Variants in KLRG1 observed in about 807,000 individuals in gnomAD.
KLRG1 encodes killer cell lectin like receptor G1.
Under a neutral mutation model 21.8 loss-of-function variants are expected in KLRG1, and 16 were observed. That is an observed-to-expected ratio of 0.73 (90% confidence interval 0.50 to 1.11). The LOEUF (loss-of-function observed/expected upper bound fraction) is 1.11, where lower values mean the gene tolerates loss of function less well. Among genes scored for constraint, KLRG1 ranks in the 50% most tolerant of loss-of-function variants. The pLI is 0.00. For synonymous variants in KLRG1, 69 were observed against 75.9 expected, an observed-to-expected ratio of 0.91 and a Z score of 0.47; for missense variants, 173 against 218.3, an observed-to-expected ratio of 0.79 and a Z score of 1.31.
At chr12:9,073,177 G>T in the KLRG1 span, among the ~76,000 whole-genome samples, 1 of 152,110 alleles carries the variant, frequency 6.6e-6, no homozygotes, top group Non-Finnish European at 1.5e-5. Context: ...TCAGTTATTG[G>T]CATCAGCTAT....
the KLRG1 span, among the ~76,000 whole-genome samples, chr12:9,147,405 T>C: frequency 0.032 from 4,843 of 152,304 alleles, 106 homozygotes; most frequent in South Asian, 0.08. Context: ...GGGGCCTCTT[T>C]CTAATTGTAT....
At chr12:9,200,362 A>C in the KLRG1 span, 3 of 1,585,176 alleles carry the variant, frequency 1.9e-6, no homozygotes, top group African/African-American at 4.1e-5. Flanking sequence ...AATGTAACTC[A>C]CTCTCCACAG....
chr12:9,107,892 C>A, the KLRG1 span, among the ~76,000 whole-genome samples: 1 of 150,002 alleles, frequency 6.7e-6, no homozygotes, highest in African/African-American at 2.5e-5. Context: ...TTAGTTTTAT[C>A]TTAAAAAAGT....
chr12:9,192,743 A>C, the KLRG1 span: 1 of 1,579,126 alleles, frequency 6.3e-7, no homozygotes, highest in Non-Finnish European at 8.7e-7. Context: ...TGAAAACCTG[A>C]GTAAACAGAA....
intron 1 of KLRG1, among the ~76,000 whole-genome samples, chr12:8,984,080 G>C (rs1592256952): frequency 6.6e-6 from 1 of 151,990 alleles, no homozygotes; most frequent in Non-Finnish European, 1.5e-5. Context: ...CTGAGGTTCT[G>C]TTCATTTTTT....
intron 1 of KLRG1, among the ~76,000 whole-genome samples, chr12:8,977,500 C>T (rs1946678210): frequency 6.6e-6 from 1 of 152,012 alleles, no homozygotes; most frequent in African/African-American, 2.4e-5. Context: ...AGGCATGAGC[C>T]ACCACACCTG....
At chr12:9,024,886 T>C in the KLRG1 span, among the ~76,000 whole-genome samples, 583 of 152,324 alleles carry the variant, frequency 3.8e-3, 9 homozygotes, top group South Asian at 0.019. Flanking sequence ...GTAAAGTCTT[T>C]ATTTCTATAT....
the KLRG1 span, among the ~76,000 whole-genome samples, chr12:9,016,310 TA>T: frequency 3.3e-5 from 5 of 151,406 alleles, no homozygotes; most frequent in Non-Finnish European, 7.4e-5. Context: ...AAATCAGAGA[TA>T]AAAAAAGGAG....
the KLRG1 span, chr12:9,197,228 T>C: frequency 1.4e-6 from 1 of 727,870 alleles, no homozygotes. Flanking sequence ...CACATCTTTA[T>C]CATCTGGGTG....
chr12:9,186,429 T>C, the KLRG1 span, among the ~76,000 whole-genome samples: 192 of 152,160 alleles, frequency 1.3e-3, 1 homozygote, highest in East Asian at 0.035. Flanking sequence ...GTAAACAGAC[T>C]AAATGCCCCA....
chr12:8,971,061 T>C (rs779443841), intron 1 of KLRG1: 1 of 152,314 alleles, frequency 6.6e-6, no homozygotes, highest in African/African-American at 2.4e-5. Flanking sequence ...TTTTCTTTTC[T>C]TGCAATTTTT....
intron 3 of KLRG1, among the ~76,000 whole-genome samples, chr12:8,997,937 C>T (rs1947184589): frequency 6.6e-6 from 1 of 152,132 alleles, no homozygotes; most frequent in Non-Finnish European, 1.5e-5. Flanking sequence ...CAGGCGCCTG[C>T]CTCCACGCCC....
At chr12:9,044,413 C>T in the KLRG1 span, among the ~76,000 whole-genome samples, 1 of 152,070 alleles carries the variant, frequency 6.6e-6, no homozygotes, top group Non-Finnish European at 1.5e-5. Flanking sequence ...ACCTGTAATT[C>T]CAACACTTTG....
chr12:9,152,690 C>T, the KLRG1 span: 2 of 922,740 alleles, frequency 2.2e-6, no homozygotes, highest in Non-Finnish European at 1.6e-6. Context: ...TGATAAAAGC[C>T]TAAATTCATT....
chr12:9,055,886 C>T, the KLRG1 span: 1 of 152,562 alleles, frequency 6.6e-6, no homozygotes, highest in Admixed American at 6.5e-5. Flanking sequence ...GATATCTACC[C>T]TAATCACAGG....
the KLRG1 span, among the ~76,000 whole-genome samples, chr12:9,155,296 C>CT: frequency 5.9e-5 from 9 of 151,686 alleles, no homozygotes; most frequent in Middle Eastern, 3.4e-3. Flanking sequence ...TCTTTTCTTT[C>CT]TTTTTTTTTC....
At chr12:9,019,084 C>A in the KLRG1 span, among the ~76,000 whole-genome samples, 1 of 151,842 alleles carries the variant, frequency 6.6e-6, no homozygotes, top group Non-Finnish European at 1.5e-5. Flanking sequence ...GGAAAAAAAT[C>A]TAATAATACA....
the KLRG1 span, among the ~76,000 whole-genome samples, chr12:9,074,187 G>C: frequency 6.6e-6 from 1 of 152,230 alleles, no homozygotes; most frequent in East Asian, 1.9e-4. Flanking sequence ...GATTTGCGAG[G>C]AGAGGTTGTT....
the KLRG1 span, chr12:9,149,467 T>A: frequency 7.9e-7 from 1 of 1,267,794 alleles, no homozygotes. Context: ...TTGTCTCAGA[T>A]GTAGGAAAAG....
Sources: allele counts gnomAD v4.1 joint callset (sites outside exome capture counted in the v4.1 genomes callset), GRCh38; gene constraint gnomAD v4.1.1; transcripts MANE v1.5; gene names NCBI Gene and HGNC (gene_info 2026-07-23, HGNC 2026-07-21).